The following THSD7B variants were observed in gnomAD, a reference collection of about 807,000 sequenced individuals.
The protein encoded by THSD7B is thrombospondin type-1 domain-containing protein 7B.
THSD7B carries 138 observed loss-of-function variants against 213.6 expected under a neutral mutation model. The ratio of observed to expected loss-of-function variants is 0.65; its 90% CI spans 0.56 to 0.74. THSD7B has a LOEUF of 0.74. Ranked by LOEUF, THSD7B falls within the 30% of genes least tolerant of loss-of-function variation. The probability of loss-of-function intolerance (pLI) is 0.00; values close to 1 mark genes in which losing one functional copy is unlikely to be tolerated. For synonymous variants in THSD7B, 742 were observed against 687.0 expected (o/e 1.08, Z -1.25); for missense variants, 1,931 against 1,991.5 (o/e 0.97, Z 0.58).
chr2:137,033,987 C>T (rs1219162092), intron 2 of THSD7B, among the ~76,000 whole-genome samples: 2 of 151,544 alleles, frequency 1.3e-5, no homozygotes, highest in African/African-American at 2.4e-5. Flanking sequence ...TTCCACCTCC[C>T]GCCCCCCATG....
chr2:137,473,163 A>G (rs563279977), intron 15 of THSD7B, among the ~76,000 whole-genome samples: 1 of 150,966 alleles, frequency 6.6e-6, no homozygotes, highest in African/African-American at 2.4e-5. Flanking sequence ...GCAAGTCTTT[A>G]TAACCATAGC....
At chr2:136,959,313 T>A (rs518689) in intron 2 of THSD7B, among the ~76,000 whole-genome samples, 61,970 of 152,144 alleles carry the variant, frequency 0.41, 14,828 homozygotes, top group Non-Finnish European at 0.55. Context: ...ACAGATAAGC[T>A]GTCCCTCTCT....
chr2:137,255,840 T>G (rs1451244893), intron 10 of THSD7B, among the ~76,000 whole-genome samples: 2 of 152,092 alleles, frequency 1.3e-5, no homozygotes, highest in Non-Finnish European at 2.9e-5. Flanking sequence ...TACAGGTGCG[T>G]GCCACCACGC....
At chr2:137,176,491 G>A (rs1375834175) in intron 7 of THSD7B, among the ~76,000 whole-genome samples, 7 of 152,180 alleles carry the variant, frequency 4.6e-5, no homozygotes, top group African/African-American at 9.6e-5. Context: ...CGAAGAATGG[G>A]AGAATAAACA....
intron 2 of THSD7B, among the ~76,000 whole-genome samples, chr2:137,005,907 C>T (rs1686098025): frequency 6.6e-6 from 1 of 152,116 alleles, no homozygotes; most frequent in Non-Finnish European, 1.5e-5. Flanking sequence ...TGTGTATGTG[C>T]ATATACGTAT....
chr2:137,138,302 G>T (rs1679510393), intron 5 of THSD7B, among the ~76,000 whole-genome samples: 1 of 152,070 alleles, frequency 6.6e-6, no homozygotes, highest in Admixed American at 6.6e-5. Flanking sequence ...AATATATTTT[G>T]ATCAAAAAAT....
At chr2:136,852,717 T>G (rs1683118839) in intron 1 of THSD7B, among the ~76,000 whole-genome samples, 1 of 152,236 alleles carries the variant, frequency 6.6e-6, no homozygotes, top group Admixed American at 6.5e-5. Context: ...ATCTTTGTAT[T>G]AAAAACTATT....
intron 7 of THSD7B, among the ~76,000 whole-genome samples, chr2:137,183,672 CCTCAGG>C (rs1208000048): frequency 6.6e-6 from 1 of 151,926 alleles, no homozygotes; most frequent in African/African-American, 2.4e-5. Context: ...AATTTTGTGG[CCTCAGG>C]CTCTGATAGT....
At chr2:137,316,776 GA>G (rs1229992718) in intron 12 of THSD7B, among the ~76,000 whole-genome samples, 7 of 144,474 alleles carry the variant, frequency 4.8e-5, no homozygotes, top group African/African-American at 1.3e-4. Context: ...AAAAGAAAAA[GA>G]AAAAAAAAGA....
At chr2:137,335,667 G>C (rs1684623004) in intron 12 of THSD7B, among the ~76,000 whole-genome samples, 1 of 152,180 alleles carries the variant, frequency 6.6e-6, no homozygotes, top group African/African-American at 2.4e-5. Context: ...AGAGGGGGTA[G>C]TAAGGTGATT....
rs370951909 is a variant in THSD7B, at chr2:136,971,500, C to A, written c.140-84920C>A. Among the ~76,000 whole-genome samples the A allele has an allele frequency of 6.9e-4, 104 of 151,516 alleles. 4 individuals carry two copies. The South Asian group carries it at 0.021, about 31-fold the overall frequency. ...AACTATAGGCAAAAAGCAATCTAAG[C>A]AAATAAAAAAGCATGTTTTTAATAC... On this transcript the variant is annotated intron_variant, in intron 2 of 27. Coordinates refer to ENST00000409968, the MANE Select transcript of THSD7B (RefSeq NM_001316349.2).
intron 2 of THSD7B, among the ~76,000 whole-genome samples, chr2:136,939,471 A>G (rs899772170): frequency 6.7e-6 from 1 of 150,268 alleles, no homozygotes. Flanking sequence ...ACATACTGGC[A>G]TGTACAACTT....
At position 136,999,884 on chromosome 2, in the gene THSD7B, G is replaced by A. The variant is rs138296692; in HGVS notation, c.140-56536G>A. 1.3e-3 allele frequency among the ~76,000 whole-genome samples: 198 copies of A among 152,250 alleles called. No homozygotes were observed. The East Asian group carries it at 0.014, about 11-fold the overall frequency. On this transcript the variant is annotated intron_variant, in intron 2 of 27. Coordinates refer to ENST00000409968, the MANE Select transcript of THSD7B (RefSeq NM_001316349.2). ...ATCCTGTGCTAACGTGTTCAATTTG[G>A]CACATTTTGGAAATGGATGGAGAGC... is the stretch of plus-strand genomic sequence containing the variant.
chr2:136,908,635 A>ATACACAATTACTGAATG (rs1684208197), intron 2 of THSD7B, among the ~76,000 whole-genome samples: 5 of 152,190 alleles, frequency 3.3e-5, no homozygotes, highest in African/African-American at 1.2e-4. Context: ...TTTACCAATA[A>ATACACAATTACTGAATG]TACACAATTA....
intron 3 of THSD7B, among the ~76,000 whole-genome samples, chr2:137,089,266 G>GTGTGTGTATATGTATATATACATATATA (rs1558916442): frequency 7.7e-6 from 1 of 130,066 alleles, no homozygotes; most frequent in Non-Finnish European, 1.5e-5. Flanking sequence ...GTGTGTGTGT[G>GTGTGTGTATATGTATATATACATATATA]TGTGTGTGTA....
chr2:136,812,238 C>T (rs1652424), intron 1 of THSD7B, among the ~76,000 whole-genome samples: 149,810 of 152,326 alleles, frequency 0.98, 73,725 homozygotes, highest in East Asian at 1. Flanking sequence ...CTAGAAATGG[C>T]GATTGTATTT....
At chr2:137,157,507 A>C (rs1364328395) in intron 5 of THSD7B, among the ~76,000 whole-genome samples, 1 of 152,114 alleles carries the variant, frequency 6.6e-6, no homozygotes, top group African/African-American at 2.4e-5. Flanking sequence ...TTCTACAGTT[A>C]TTTTTGGGAG....
intron 9 of THSD7B, among the ~76,000 whole-genome samples, chr2:137,240,008 G>A (rs1573906257): frequency 6.6e-6 from 1 of 152,180 alleles, no homozygotes; most frequent in African/African-American, 2.4e-5. Context: ...CCATTCATGA[G>A]AGCTCCAACC....
chr2:137,610,856 G>A (rs1244161902), intron 17 of THSD7B, among the ~76,000 whole-genome samples: 1 of 151,524 alleles, frequency 6.6e-6, no homozygotes, highest in African/African-American at 2.4e-5. Context: ...ATTAATTCTG[G>A]CATTTAAAGA....
Sources: gnomAD v4.1 joint callset for allele counts (sites outside exome capture counted in the v4.1 genomes callset) on GRCh38, gnomAD v4.1.1 for gene constraint, MANE v1.5 for transcripts, NCBI Gene and HGNC (gene_info 2026-07-23, HGNC 2026-07-21) for gene names.